HPSE: variants seen among roughly 807,000 people sequenced by gnomAD.
The protein encoded by HPSE is endo-glucoronidase.
HPSE carries 48 observed loss-of-function variants against 65.1 expected under a neutral mutation model. That is an observed-to-expected ratio of 0.74 (90% confidence interval 0.58 to 0.94). HPSE has a LOEUF of 0.94. Ranked by LOEUF, HPSE falls within the 40% of genes least tolerant of loss-of-function variation. The probability of loss-of-function intolerance (pLI) is 0.00; values close to 1 mark genes in which losing one functional copy is unlikely to be tolerated. For missense variants in HPSE, 644 were observed against 637.5 expected, an observed-to-expected ratio of 1.01 and a Z score of -0.11; for synonymous variants, 243 against 260.0, an observed-to-expected ratio of 0.93 and a Z score of 0.63.
chr4:83,316,679 GAGTCATCCTT>G (rs1479020934), intron 3 of HPSE, among the ~76,000 whole-genome samples: 1 of 152,154 alleles, frequency 6.6e-6, no homozygotes, highest in Non-Finnish European at 1.5e-5. Context: ...TTTAATAAGG[GAGTCATCCTT>G]TCTGCAGTCA....
At chr4:83,334,949 C>CA, upstream of HPSE, 2 of 1,130,646 alleles carry the variant, frequency 1.8e-6, no homozygotes, top group Non-Finnish European at 2.4e-6. Flanking sequence ...TCCTCTTCTG[C>CA]ATCCCTCCCA....
In HPSE at chr4:83,319,951, C is replaced by T. The variant is rs531597833; in HGVS notation, c.374-482G>A. On this transcript the variant is annotated intron_variant, in intron 2 of 11. Coordinates refer to ENST00000311412, the MANE Select transcript of HPSE (RefSeq NM_001098540.3). Reference sequence around the variant, plus strand: ...AGGAGAATCACTTCAACCCACGAGGCGGAGGTTGCAGTGAGCCGAGATCAC... The same window carrying T: ...AGGAGAATCACTTCAACCCACGAGGTGGAGGTTGCAGTGAGCCGAGATCAC... Among the ~76,000 whole-genome samples the T allele has an allele frequency of 5.6e-5, 8 of 144,110 alleles. No individual in the cohort carries two copies. The South Asian group carries it at 1.4e-3, about 25-fold the overall frequency. The allele number at this position is 144,110 out of a possible 152,430, so 94.5% of individuals were successfully genotyped here. A position where few individuals can be genotyped will look rare whatever the true frequency, so the allele number is the denominator to read the frequency against.
rs554146303 is a variant in HPSE at position 83,317,921 on chromosome 4, C to T, written c.499+1423G>A. 7.9e-5 allele frequency among the ~76,000 whole-genome samples: 12 copies of T among 152,292 alleles called. 1 individual carries two copies. Among genetic ancestry groups the T allele is most frequent in the African/African-American group, 2.6e-4 (11 of 41,560 alleles). ...CCAAATTCCAGTCAATAATTAATTACACTTATTAAAGTGTCAGAGTAGATC... is the reference window on the plus strand; with the variant it reads ...CCAAATTCCAGTCAATAATTAATTATACTTATTAAAGTGTCAGAGTAGATC... On this transcript the variant is annotated intron_variant, in intron 3 of 11. Coordinates refer to ENST00000311412, the MANE Select transcript of HPSE (RefSeq NM_001098540.3).
intron 3 of HPSE, 56 bp downstream of exon 3, chr4:83,319,288 A>G (rs764144594): frequency 1.8e-5 from 28 of 1,582,954 alleles, no homozygotes; most frequent in Middle Eastern, 3.3e-4. Context: ...CCCGAGTCCA[A>G]CCTATTCAAA....
chr4:83,327,045 C>A (rs1737183538), intron 1 of HPSE, among the ~76,000 whole-genome samples: 1 of 152,178 alleles, frequency 6.6e-6, no homozygotes, highest in Admixed American at 6.5e-5. Flanking sequence ...AATCAACTTC[C>A]TTTTTCATTT....
intron 1 of HPSE, among the ~76,000 whole-genome samples, chr4:83,328,821 A>T (rs1387405364): frequency 6.6e-6 from 1 of 151,956 alleles, no homozygotes; most frequent in Non-Finnish European, 1.5e-5. Flanking sequence ...GATACAGGAG[A>T]GGGAAGAGGT....
chr4:83,309,481 CCATTCAAATAGTAGCTAAATTA>C lies in HPSE; in HGVS notation c.891-8_904del, dbSNP rs1560507759. ...AAAATCTTCCTTGGTAGCAGTCCGT[CCATTCAAATAGTAGCTAAATTA>C]CACAGAAAATATTCAGAAAAAAAAT... is the stretch of plus-strand genomic sequence containing the variant. On this transcript the variant is annotated splice_acceptor_variant and splice_polypyrimidine_tract_variant and coding_sequence_variant and intron_variant, in exon 7 of 12. Coordinates refer to ENST00000311412, the MANE Select transcript of HPSE (RefSeq NM_001098540.3). LOFTEE classifies it high-confidence loss of function. 3 of 1,533,532 alleles carry C rather than the reference CCATTCAAATAGTAGCTAAATTA, an allele frequency of 2.0e-6. No individual in the cohort carries two copies. Among genetic ancestry groups the C allele is most frequent in the Non-Finnish European group, 2.7e-6 (3 of 1,115,360 alleles). 95.0% of individuals were successfully genotyped at this position (1,533,532 alleles called of 1,614,324 possible).
At chr4:83,312,605 G>A (rs1208299893) in intron 4 of HPSE, among the ~76,000 whole-genome samples, 2 of 149,642 alleles carry the variant, frequency 1.3e-5, no homozygotes, top group Non-Finnish European at 3.0e-5. Flanking sequence ...GTGAACCTGG[G>A]AGGTGGAGCT....
chr4:83,305,277 A>G (rs922062222), intron 9 of HPSE, among the ~76,000 whole-genome samples: 9 of 152,224 alleles, frequency 5.9e-5, no homozygotes, highest in Non-Finnish European at 8.8e-5. Context: ...TACTATGCTT[A>G]GTTTAACTCT....
intron 1 of HPSE, among the ~76,000 whole-genome samples, chr4:83,325,903 T>C (rs11722753): frequency 0.14 from 21,429 of 152,118 alleles, 1,655 homozygotes; most frequent in African/African-American, 0.18. Context: ...GCTGGCACCA[T>C]TGACGAGCAG....
chr4:83,324,518 C>A, intron 1 of HPSE, among the ~76,000 whole-genome samples: 1 of 152,056 alleles, frequency 6.6e-6, no homozygotes, highest in East Asian at 1.9e-4. Context: ...ACTTGGGAGT[C>A]CCTAAAAATA....
At chr4:83,334,312 G>A (rs1277565796) in intron 1 of HPSE, among the ~76,000 whole-genome samples, 1 of 152,102 alleles carries the variant, frequency 6.6e-6, no homozygotes, top group Admixed American at 6.5e-5. Context: ...TATACCCATG[G>A]AACAGAACTG....
intron 1 of HPSE, among the ~76,000 whole-genome samples, chr4:83,323,037 T>C (rs942823652): frequency 6.6e-6 from 1 of 151,804 alleles, no homozygotes; most frequent in Admixed American, 6.6e-5. Context: ...CCTTTTATGA[T>C]GGATGGGGAG....
chr4:83,326,166 GGA>G lies in HPSE; in HGVS notation c.228-3804_228-3803del, dbSNP rs1458430137. ...TGAGGTAAGGTAACAGCTCAGAGAT[GGA>G]GAGAGATGGATAAATTCAAGACACA... On this transcript the variant is annotated intron_variant, in intron 1 of 11. Coordinates refer to ENST00000311412, the MANE Select transcript of HPSE (RefSeq NM_001098540.3). This position sits in a 1 kb window ranked among gnomAD's most constrained non-coding sequence, Gnocchi z 4.2. Among the ~76,000 whole-genome samples, 1 of 152,168 alleles carries G rather than the reference GGA, an allele frequency of 6.6e-6. No homozygotes were observed. The highest frequency in any genetic ancestry group is 2.4e-5 in the African/African-American group (1 of 41,440).
intron 11 of HPSE, among the ~76,000 whole-genome samples, chr4:83,299,092 G>C (rs375801892): frequency 7.4e-4 from 112 of 151,948 alleles, no homozygotes; most frequent in African/African-American, 2.6e-3. Context: ...GGCAGGGCAC[G>C]GTGGCTCACT....
intron 11 of HPSE, among the ~76,000 whole-genome samples, chr4:83,296,856 TAA>T (rs1735745779): frequency 6.6e-6 from 1 of 152,136 alleles, no homozygotes; most frequent in South Asian, 2.1e-4. Flanking sequence ...AAAAGTAACC[TAA>T]GTCATTATAA....
At chr4:83,328,233 G>C (rs1254203400) in intron 1 of HPSE, among the ~76,000 whole-genome samples, 5 of 152,184 alleles carry the variant, frequency 3.3e-5, no homozygotes, top group African/African-American at 9.7e-5. Flanking sequence ...CAAGGTAGTG[G>C]CAGGGCCATA....
chr4:83,305,041 C>T (rs1436395622), intron 9 of HPSE, among the ~76,000 whole-genome samples: 1 of 152,162 alleles, frequency 6.6e-6, no homozygotes, highest in African/African-American at 2.4e-5. Flanking sequence ...AAAATAAAGT[C>T]ACAGACATGT....
intron 1 of HPSE, among the ~76,000 whole-genome samples, chr4:83,333,304 T>C (rs1437732033): frequency 6.6e-6 from 1 of 152,218 alleles, no homozygotes; most frequent in Non-Finnish European, 1.5e-5. Context: ...AATTCCATTC[T>C]ACAGCTGAAG....
Sources: allele counts gnomAD v4.1 joint callset (sites outside exome capture counted in the v4.1 genomes callset), GRCh38; gene constraint gnomAD v4.1.1; non-coding constraint Gnocchi (gnomAD v3.1); transcripts MANE v1.5; gene names NCBI Gene and HGNC (gene_info 2026-07-23, HGNC 2026-07-21).